The following SLC39A10 variants were observed in gnomAD, a reference collection of about 807,000 sequenced individuals.
The protein encoded by SLC39A10 is zinc transporter ZIP10.
In SLC39A10, 13 loss-of-function variants were observed where a neutral mutation model predicts 65.1. The ratio of observed to expected loss-of-function variants is 0.20; its 90% confidence interval spans 0.13 to 0.32. SLC39A10 has a LOEUF of 0.32. Among genes scored for constraint, SLC39A10 ranks in the 10% least tolerant of loss-of-function variants. The pLI is 1.00. For synonymous variants in SLC39A10, 321 were observed against 342.2 expected (o/e 0.94, Z 0.68); for missense variants, 831 against 1,018.4 (o/e 0.82, Z 2.50).
At chr2:195,619,729 A>T (rs1021863417) in intron 2 of SLC39A10, among the ~76,000 whole-genome samples, 1 of 152,114 alleles carries the variant, frequency 6.6e-6, no homozygotes, top group African/African-American at 2.4e-5. Flanking sequence ...TAATGAAAAT[A>T]AAAAAAGAAA....
upstream of SLC39A10, among the ~76,000 whole-genome samples, chr2:195,656,240 T>C (rs1212923519): frequency 6.6e-6 from 1 of 152,108 alleles, no homozygotes; most frequent in Non-Finnish European, 1.5e-5. Context: ...GTGGATTAAG[T>C]AAGAGCCAGG....
chr2:195,621,582 C>T (rs1383236424), intron 2 of SLC39A10, among the ~76,000 whole-genome samples: 3 of 152,166 alleles, frequency 2.0e-5, no homozygotes, highest in African/African-American at 7.2e-5. Context: ...TTTGAAGCTT[C>T]CCTCTATCAT....
intron 4 of SLC39A10, among the ~76,000 whole-genome samples, 189 bp downstream of exon 4, chr2:195,706,974 A>C (rs1278278648): frequency 6.6e-6 from 1 of 152,168 alleles, no homozygotes. Context: ...TTGAATCATT[A>C]GGTCAACTTT....
At chr2:195,727,398 A>G (rs1333730990) in intron 8 of SLC39A10, among the ~76,000 whole-genome samples, 1 of 152,160 alleles carries the variant, frequency 6.6e-6, no homozygotes, top group Non-Finnish European at 1.5e-5. Context: ...CTCTATTTTC[A>G]GCATTGTCGA....
chr2:195,712,814 A>G (rs1430239711), intron 5 of SLC39A10, among the ~76,000 whole-genome samples: 1 of 152,254 alleles, frequency 6.6e-6, no homozygotes, highest in African/African-American at 2.4e-5. Flanking sequence ...GTCCAAGGTG[A>G]TAAGAAAGGA....
In SLC39A10 at chr2:195,734,999, T is replaced by C. The variant is rs1692544935; in HGVS notation, c.2454T>C (p.Ile818=). 1.9e-6 allele frequency: 3 copies of C among 1,613,138 alleles called. No individual in the cohort carries two copies. The highest frequency in any genetic ancestry group is 2.5e-6 in the Non-Finnish European group (3 of 1,179,722). The stretch of plus-strand genomic sequence containing the variant: ...TTGGATTTGCCATTATGCTGGTGAT[T>C]GCCCTCTATGAAGATAAAATTGTGT... ...LLFGFAIMLV[I]ALYEDKIVFD... The change falls in exon 10 of 10, where the codon ATT becomes ATC. Residue 818 remains isoleucine, a synonymous_variant. Transcript: ENST00000359634.
At chr2:195,645,667 T>C (rs1199223644) in intron 2 of SLC39A10, among the ~76,000 whole-genome samples, 1 of 152,226 alleles carries the variant, frequency 6.6e-6, no homozygotes, top group Non-Finnish European at 1.5e-5. Context: ...AAATACCTCA[T>C]AGAAGTGAAA....
At chr2:195,721,292 T>G (rs1692029598) in intron 8 of SLC39A10, among the ~76,000 whole-genome samples, 1 of 152,182 alleles carries the variant, frequency 6.6e-6, no homozygotes. Flanking sequence ...AGCTTTTTAG[T>G]GTTACCTGCA....
intron 3 of SLC39A10, among the ~76,000 whole-genome samples, chr2:195,696,987 A>G (rs1034432514): frequency 6.6e-6 from 1 of 152,168 alleles, no homozygotes; most frequent in African/African-American, 2.4e-5. Context: ...CGTTATTCAT[A>G]TTAACTATTC....
chr2:195,706,734 A>G lies in SLC39A10; in HGVS notation c.1335A>G (p.Ala445=). 6.2e-7 allele frequency: 1 copy of G among 1,604,112 alleles called. No individual in the cohort carries two copies. The highest frequency in any genetic ancestry group is 2.3e-5 in the East Asian group (1 of 44,056). The change falls in exon 4 of 10, where the codon GCA becomes GCG. Residue 445 remains alanine (A), a synonymous_variant. Coordinates refer to ENST00000359634, the MANE Select transcript of SLC39A10 (RefSeq NM_020342.3). ...CFKFLLTFLV[A]LAVGTMSGDA... ...AATTCCTTCTTACATTCCTTGTTGC[A>G]TTAGCTGTAGGAACAATGAGTGGAG...
At chr2:195,619,636 A>G (rs1688307348) in intron 2 of SLC39A10, among the ~76,000 whole-genome samples, 1 of 152,232 alleles carries the variant, frequency 6.6e-6, no homozygotes, top group African/African-American at 2.4e-5. Context: ...CTATAGAATG[A>G]CAAATTAGAT....
chr2:195,709,531 G>A (rs1691533983), intron 5 of SLC39A10, among the ~76,000 whole-genome samples: 1 of 151,862 alleles, frequency 6.6e-6, no homozygotes, highest in Non-Finnish European at 1.5e-5. Flanking sequence ...CATGCCTGGT[G>A]CCCTCTAACT....
intron 2 of SLC39A10, among the ~76,000 whole-genome samples, chr2:195,635,070 A>AAAAAC (rs933021014): frequency 6.6e-6 from 1 of 152,134 alleles, no homozygotes; most frequent in African/African-American, 2.4e-5. Flanking sequence ...AAACAAAACA[A>AAAAAC]AAAACAAAAC....
chr2:195,617,239 G>A (rs1688235034), intron 2 of SLC39A10, among the ~76,000 whole-genome samples: 1 of 152,076 alleles, frequency 6.6e-6, no homozygotes, highest in African/African-American at 2.4e-5. Flanking sequence ...CCCATTTGCT[G>A]TCCAAATATC....
Position 195,617,433 on chromosome 2 carries a change from G to A in SLC39A10, c.-12+11200G>A, listed in dbSNP as rs552458131. 3.2e-4 allele frequency among the ~76,000 whole-genome samples: 49 copies of A among 152,052 alleles called. 1 individual carries two copies. The highest frequency in any genetic ancestry group is 2.3e-3 in the South Asian group (11 of 4,812). On this transcript the variant is annotated intron_variant, in intron 2 of 2. Transcript: ENST00000458054. ...AAAAATTAGCCGGGTGTGGTGGCAC[G>A]CACCTGTAGTCCCAGCTACTCGGGA... is the stretch of plus-strand genomic sequence containing the variant.
At chr2:195,697,929 C>T (rs569689292) in intron 3 of SLC39A10, among the ~76,000 whole-genome samples, 2 of 152,192 alleles carry the variant, frequency 1.3e-5, no homozygotes, top group African/African-American at 2.4e-5. Context: ...TCTTCTACCT[C>T]CTTGGTTAAG....
At chr2:195,618,017 G>A (rs1371595678) in intron 2 of SLC39A10, among the ~76,000 whole-genome samples, 1 of 150,906 alleles carries the variant, frequency 6.6e-6, no homozygotes, top group Non-Finnish European at 1.5e-5. Context: ...GGGATTACAG[G>A]CGTGAGCCAC....
At chr2:195,730,371 C>T (rs1231070163) in intron 9 of SLC39A10, among the ~76,000 whole-genome samples, 1 of 152,028 alleles carries the variant, frequency 6.6e-6, no homozygotes, top group Non-Finnish European at 1.5e-5. Flanking sequence ...GCTCTGTTGC[C>T]CAGGCTGGAG....
At chr2:195,676,071 T>C (rs10174779) in intron 1 of SLC39A10, among the ~76,000 whole-genome samples, 3,465 of 152,142 alleles carry the variant, frequency 0.023, 122 homozygotes, top group African/African-American at 0.078. Context: ...GTAGTGGAGT[T>C]TTTTTATTAC....
Sources: gnomAD v4.1 joint callset for allele counts (sites outside exome capture counted in the v4.1 genomes callset) on GRCh38, gnomAD v4.1.1 for gene constraint, MANE v1.5 for transcripts, NCBI Gene and HGNC (gene_info 2026-07-23, HGNC 2026-07-21) for gene names.